ZBBX: variants seen among roughly 807,000 people sequenced by gnomAD.
The protein encoded by ZBBX is zinc finger B-box domain-containing protein 1.
ZBBX carries 101 observed loss-of-function variants against 108.5 expected under a neutral mutation model. The ratio of observed to expected loss-of-function variants is 0.93; its 90% confidence interval spans 0.79 to 1.10. The LOEUF is 1.10. ZBBX is among the 50% of genes least tolerant of loss of function. The pLI is 0.00. For synonymous variants in ZBBX, 356 were observed against 323.4 expected (o/e 1.10, Z -1.08); for missense variants, 1,009 against 941.4 (o/e 1.07, Z -0.94).
chr3:167,375,987 G>A (rs903052061), intron 2 of ZBBX, among the ~76,000 whole-genome samples: 1 of 152,084 alleles, frequency 6.6e-6, no homozygotes, highest in Admixed American at 6.6e-5. Flanking sequence ...CAAATAAGCC[G>A]TGGTGTCTTC....
the ZBBX span, among the ~76,000 whole-genome samples, chr3:167,228,651 C>G: frequency 6.6e-6 from 1 of 151,888 alleles, no homozygotes; most frequent in Admixed American, 6.6e-5. Context: ...GTTCGAAAAG[C>G]ATTGACATAA....
intron 16 of ZBBX, among the ~76,000 whole-genome samples, chr3:167,312,139 A>T (rs571848413): frequency 2.0e-5 from 3 of 152,186 alleles, no homozygotes; most frequent in Non-Finnish European, 4.4e-5. Flanking sequence ...AAAGACAAGG[A>T]GAAACCTCAA....
At chr3:167,197,681 T>C in the ZBBX span, among the ~76,000 whole-genome samples, 1 of 152,224 alleles carries the variant, frequency 6.6e-6, no homozygotes, top group African/African-American at 2.4e-5. Flanking sequence ...AAAAATACTG[T>C]GCTATTGACA....
Position 167,317,029 on chromosome 3 carries a change from A to T in ZBBX, c.1170T>A (p.Ser390=). 1 of 1,607,792 alleles carries T rather than the reference A, an allele frequency of 6.2e-7. No individual in the cohort carries two copies. Among genetic ancestry groups the T allele is most frequent in the Non-Finnish European group, 8.5e-7 (1 of 1,176,344 alleles). The change falls in exon 14 of 22, where the codon TCT becomes TCA. Residue 390 remains serine, a synonymous_variant. Transcript: ENST00000675490. ...CATCATCCAGTTCGACTATCTTTAG[A>T]GATGGTTCAGGTCTCTCTATGTTTA... ...ETLNIERPEP[S]LKIVELDDTY...
rs999287561 is a variant in ZBBX at position 167,313,855 on chromosome 3, T to C, written c.1417+119A>G. The C allele has an allele frequency of 3.4e-6, 3 of 890,848 alleles. No individual in the cohort carries two copies. In the African/African-American group the frequency reaches 5.2e-5, roughly 15 times the overall value. 55.2% of individuals were successfully genotyped at this position (890,848 alleles called of 1,614,324 possible). On this transcript the variant is annotated intron_variant, in intron 16 of 21. Transcript: ENST00000675490. Reference sequence around the variant, plus strand: ...AAATTATATTTTCAACTAATTTTCATTTTAGTACTGAGGTTTTTTTGGTTT... The same window carrying C: ...AAATTATATTTTCAACTAATTTTCACTTTAGTACTGAGGTTTTTTTGGTTT...
intron 6 of ZBBX, among the ~76,000 whole-genome samples, chr3:167,364,202 G>A (rs980230933): frequency 4.0e-5 from 6 of 150,124 alleles, no homozygotes; most frequent in Admixed American, 3.3e-4. Flanking sequence ...AAAAAAATAC[G>A]CAAAAACAAC....
intron 20 of ZBBX, among the ~76,000 whole-genome samples, chr3:167,273,627 C>T (rs928459693): frequency 2.0e-5 from 3 of 152,022 alleles, no homozygotes; most frequent in South Asian, 4.1e-4. Flanking sequence ...CTTAGTCATC[C>T]TCAAGCAGAT....
intron 4 of ZBBX, among the ~76,000 whole-genome samples, chr3:167,370,142 C>T (rs1745934327): frequency 6.6e-6 from 1 of 152,062 alleles, no homozygotes; most frequent in Non-Finnish European, 1.5e-5. Flanking sequence ...GGGTGCAAGG[C>T]TAGAAGCAAG....
At chr3:167,348,368 GAAAAA>G (rs1222677422) in intron 9 of ZBBX, among the ~76,000 whole-genome samples, 1 of 111,582 alleles carries the variant, frequency 9.0e-6, no homozygotes, top group African/African-American at 3.4e-5. Flanking sequence ...AAGAAAGAAA[GAAAAA>G]AAAGAAAAGA....
chr3:167,209,353 T>A, the ZBBX span, among the ~76,000 whole-genome samples: 1 of 152,048 alleles, frequency 6.6e-6, no homozygotes, highest in Non-Finnish European at 1.5e-5. Context: ...GGGGTACTTG[T>A]GTCACCCCCC....
At chr3:167,335,998 A>C (rs4955562) in intron 9 of ZBBX, among the ~76,000 whole-genome samples, 125,451 of 151,982 alleles carry the variant, frequency 0.83, 51,893 homozygotes, top group East Asian at 0.92. Flanking sequence ...AATAATCCAA[A>C]CTAAGCCTCA....
intron 8 of ZBBX, among the ~76,000 whole-genome samples, chr3:167,355,252 C>G (rs1395362167): frequency 6.6e-6 from 1 of 151,968 alleles, no homozygotes; most frequent in Non-Finnish European, 1.5e-5. Flanking sequence ...AATTTGCCAA[C>G]AACAAAACAC....
chr3:167,383,526 A>G (rs1281452599), upstream of ZBBX, among the ~76,000 whole-genome samples: 1 of 152,114 alleles, frequency 6.6e-6, no homozygotes, highest in African/African-American at 2.4e-5. Context: ...TAGAGTTAAG[A>G]GGTGACATTG....
downstream of ZBBX, among the ~76,000 whole-genome samples, chr3:167,236,102 A>G (rs1396067378): frequency 1.3e-5 from 2 of 151,808 alleles, no homozygotes; most frequent in Non-Finnish European, 2.9e-5. Context: ...AGGTGTTCAT[A>G]AAATTCTGGT....
chr3:167,395,070 A>T (rs1748187758), intron 1 of ZBBX, among the ~76,000 whole-genome samples: 1 of 152,022 alleles, frequency 6.6e-6, no homozygotes, highest in Non-Finnish European at 1.5e-5. Context: ...CTCTGAGAGG[A>T]GACCTAACAT....
chr3:167,354,036 C>T (rs1009939707), intron 8 of ZBBX, among the ~76,000 whole-genome samples: 1 of 151,920 alleles, frequency 6.6e-6, no homozygotes, highest in African/African-American at 2.4e-5. Flanking sequence ...GTACAAATAA[C>T]CTACTAAGCA....
intron 20 of ZBBX, among the ~76,000 whole-genome samples, chr3:167,264,507 A>G (rs948927746): frequency 2.0e-5 from 3 of 152,136 alleles, no homozygotes; most frequent in Admixed American, 1.3e-4. Context: ...AAAACTCTAT[A>G]CTTTAAACTA....
chr3:167,356,694 C>T (rs1295929099), intron 8 of ZBBX, among the ~76,000 whole-genome samples: 2 of 152,088 alleles, frequency 1.3e-5, no homozygotes, highest in Non-Finnish European at 2.9e-5. Context: ...TTGTTGAGTG[C>T]CTACCACACT....
At chr3:167,216,498 C>T in the ZBBX span, among the ~76,000 whole-genome samples, 5 of 152,050 alleles carry the variant, frequency 3.3e-5, no homozygotes, top group Admixed American at 6.6e-5. Context: ...GGAAAAACAA[C>T]CATGCTCATT....
Sources: gnomAD v4.1 joint callset for allele counts (sites outside exome capture counted in the v4.1 genomes callset) on GRCh38, gnomAD v4.1.1 for gene constraint, MANE v1.5 for transcripts, NCBI Gene and HGNC (gene_info 2026-07-23, HGNC 2026-07-21) for gene names.